ERBB4: variants seen among roughly 807,000 people sequenced by gnomAD.
ERBB4 encodes erb-b2 receptor tyrosine kinase 4.
A neutral mutation model predicts 158.0 loss-of-function variants in ERBB4; 42 were observed. The observed-to-expected ratio is 0.27, with a 90% CI of 0.21 to 0.34. The LOEUF is 0.34. Among genes scored for constraint, ERBB4 ranks in the 10% least tolerant of loss-of-function variants. The pLI is 1.00. For synonymous variants in ERBB4, 583 were observed against 558.7 expected (o/e 1.04, Z -0.61); for missense variants, 1,333 against 1,624.1 (o/e 0.82, Z 3.08).
chr2:212,077,420 T>A (rs1380923744), intron 2 of ERBB4, among the ~76,000 whole-genome samples: 1 of 152,000 alleles, frequency 6.6e-6, no homozygotes, highest in Non-Finnish European at 1.5e-5. Context: ...GATATATTTG[T>A]TTGTGTTTGT....
At chr2:211,890,444 C>A (rs938544960) in intron 3 of ERBB4, among the ~76,000 whole-genome samples, 17 of 151,668 alleles carry the variant, frequency 1.1e-4, no homozygotes, top group Admixed American at 2.6e-4. Context: ...CCAGCCGCTG[C>A]AAAATCATGC....
chr2:211,944,175 T>TAC (rs1553517857), intron 3 of ERBB4, among the ~76,000 whole-genome samples: 3 of 32,486 alleles, frequency 9.2e-5, no homozygotes, highest in African/African-American at 4.2e-4. Context: ...TATATATATA[T>TAC]ACTATATATA....
At chr2:212,247,345 G>A (rs2084347978) in intron 1 of ERBB4, among the ~76,000 whole-genome samples, 1 of 152,042 alleles carries the variant, frequency 6.6e-6, no homozygotes, top group Non-Finnish European at 1.5e-5. Flanking sequence ...AATGTTATTT[G>A]TGTTCCCTTT....
At chr2:211,463,388 T>G (rs1334982643) in intron 20 of ERBB4, among the ~76,000 whole-genome samples, 3 of 152,212 alleles carry the variant, frequency 2.0e-5, no homozygotes, top group Non-Finnish European at 4.4e-5. Flanking sequence ...TTACTAATAC[T>G]ACTTCTTCCT....
chr2:212,175,775 C>T (rs2081646485), intron 1 of ERBB4, among the ~76,000 whole-genome samples: 1 of 151,970 alleles, frequency 6.6e-6, no homozygotes, highest in East Asian at 1.9e-4. Context: ...AATAAACATT[C>T]TCACCATATT....
intron 2 of ERBB4, among the ~76,000 whole-genome samples, chr2:211,982,009 A>C (rs1012779316): frequency 3.9e-5 from 6 of 152,152 alleles, no homozygotes. Flanking sequence ...ATAAACTTCA[A>C]TATATGCTTA....
At chr2:212,409,524 T>C (rs971731325) in intron 1 of ERBB4, among the ~76,000 whole-genome samples, 10 of 152,120 alleles carry the variant, frequency 6.6e-5, no homozygotes, top group Non-Finnish European at 1.3e-4. Flanking sequence ...GTAAGTGAAT[T>C]TTTTAGATTA....
At chr2:211,746,875 A>G (rs1206432611) in intron 5 of ERBB4, among the ~76,000 whole-genome samples, 2 of 151,834 alleles carry the variant, frequency 1.3e-5, no homozygotes, top group African/African-American at 4.8e-5. Context: ...CTAGAAGAAC[A>G]TCGTGTTTCT....
intron 1 of ERBB4, among the ~76,000 whole-genome samples, chr2:212,164,351 A>G (rs911332693): frequency 7.9e-5 from 12 of 152,092 alleles, no homozygotes; most frequent in Non-Finnish European, 1.3e-4. Context: ...TTTTAGACAT[A>G]TTTAATCCAA....
chr2:212,380,133 T>C (rs1454697335), intron 1 of ERBB4, among the ~76,000 whole-genome samples: 7 of 151,170 alleles, frequency 4.6e-5, no homozygotes, highest in South Asian at 2.1e-4. Flanking sequence ...CAGACACACA[T>C]CTACATACAC....
intron 1 of ERBB4, among the ~76,000 whole-genome samples, chr2:212,151,555 A>G (rs1421148031): frequency 6.6e-6 from 1 of 151,798 alleles, no homozygotes; most frequent in African/African-American, 2.4e-5. Flanking sequence ...TAATAAATAT[A>G]CATTTCAGAA....
intron 16 of ERBB4, among the ~76,000 whole-genome samples, chr2:211,634,547 T>G (rs1459666063): frequency 1.3e-5 from 2 of 152,218 alleles, no homozygotes; most frequent in Non-Finnish European, 2.9e-5. Flanking sequence ...GCTCCTTTTA[T>G]GAGGACCCTT....
chr2:212,177,284 TA>T (rs1213872899), intron 1 of ERBB4, among the ~76,000 whole-genome samples: 1 of 151,988 alleles, frequency 6.6e-6, no homozygotes, highest in Non-Finnish European at 1.5e-5. Context: ...AAATTTGCAA[TA>T]TTTTTTTCCA....
intron 5 of ERBB4, among the ~76,000 whole-genome samples, chr2:211,746,332 T>C (rs1240162912): frequency 6.6e-6 from 1 of 152,152 alleles, no homozygotes; most frequent in Non-Finnish European, 1.5e-5. Flanking sequence ...GGTCCATGAA[T>C]TTGTTGAGTT....
At chr2:212,456,246 A>G (rs532918204) in intron 1 of ERBB4, among the ~76,000 whole-genome samples, 9 of 152,232 alleles carry the variant, frequency 5.9e-5, no homozygotes, top group African/African-American at 1.9e-4. Context: ...AAATTGGTAT[A>G]AAGAATGACA....
At chr2:212,092,897 G>T (rs544233001) in intron 2 of ERBB4, among the ~76,000 whole-genome samples, 1 of 152,070 alleles carries the variant, frequency 6.6e-6, no homozygotes, top group Non-Finnish European at 1.5e-5. Context: ...AACGTGGCAC[G>T]TGTATACCAA....
At chr2:211,793,711 C>A (rs896438394) in intron 3 of ERBB4, among the ~76,000 whole-genome samples, 5 of 151,830 alleles carry the variant, frequency 3.3e-5, no homozygotes, top group Non-Finnish European at 2.9e-5. Context: ...GGACTTGGTC[C>A]AGAGATTCCT....
chr2:212,416,174 T>C (rs1388365896), intron 1 of ERBB4, among the ~76,000 whole-genome samples: 1 of 152,132 alleles, frequency 6.6e-6, no homozygotes, highest in South Asian at 2.1e-4. Context: ...CTGTACAAAC[T>C]AAATCAACGG....
chr2:212,133,009 A>G (rs1003985546), intron 1 of ERBB4, among the ~76,000 whole-genome samples: 1 of 152,120 alleles, frequency 6.6e-6, no homozygotes, highest in African/African-American at 2.4e-5. Flanking sequence ...TTGTATCTAC[A>G]ACCCAAAATG....
Sources: allele counts gnomAD v4.1 joint callset (sites outside exome capture counted in the v4.1 genomes callset), GRCh38; gene constraint gnomAD v4.1.1; transcripts MANE v1.5; gene names NCBI Gene and HGNC (gene_info 2026-07-23, HGNC 2026-07-21).